The following LRIG3 variants were observed in gnomAD, a reference collection of about 807,000 sequenced individuals.
LRIG3 encodes leucine rich repeats and immunoglobulin like domains 3.
A neutral mutation model predicts 114.5 loss-of-function variants in LRIG3; 76 were observed. That is an observed-to-expected ratio of 0.66 (90% CI 0.55 to 0.80). The LOEUF is 0.80. LRIG3 is among the 30% of genes least tolerant of loss of function. The probability of loss-of-function intolerance (pLI) is 0.00; values close to 1 mark genes in which losing one functional copy is unlikely to be tolerated. For synonymous variants in LRIG3, 512 were observed against 519.8 expected (o/e 0.98, Z 0.20); for missense variants, 1,239 against 1,382.8 (o/e 0.90, Z 1.65).
chr12:58,873,032 C>A (rs1253357099), intron 18 of LRIG3, among the ~76,000 whole-genome samples: 1 of 152,172 alleles, frequency 6.6e-6, no homozygotes, highest in Non-Finnish European at 1.5e-5. Context: ...TATTTACATC[C>A]ACTGAACAAA....
chr12:58,913,842 A>G (rs932827577), intron 3 of LRIG3, 140 bp downstream of exon 3: 1 of 648,092 alleles, frequency 1.5e-6, no homozygotes, highest in Non-Finnish European at 2.6e-6. Context: ...CAAGTTAACC[A>G]ATTTAAAGCG....
intron 1 of LRIG3, 29 bp downstream of exon 1, chr12:58,919,971 C>A: frequency 1.3e-6 from 2 of 1,538,978 alleles, no homozygotes. Flanking sequence ...GCGGCCCGGG[C>A]CCCCTCCCCC....
At chr12:58,888,777 G>T in intron 6 of LRIG3, 42 bp downstream of exon 6, 1 of 1,602,736 alleles carries the variant, frequency 6.2e-7, no homozygotes, top group South Asian at 1.1e-5. Context: ...AGCATTCTAT[G>T]ATCATACTAC....
At chr12:58,876,736 A>G (rs57447481) in intron 15 of LRIG3, 133 bp from the exon 16 acceptor site, 23,056 of 865,724 alleles carry the variant, frequency 0.027, 973 homozygotes, top group African/African-American at 0.16. Flanking sequence ...TGGCAAAACC[A>G]TCTCGATTGT....
intron 1 of LRIG3, among the ~76,000 whole-genome samples, chr12:58,918,263 ACT>A (rs1411416895): frequency 6.6e-6 from 1 of 152,130 alleles, no homozygotes; most frequent in Non-Finnish European, 1.5e-5. Context: ...AACCAAATAA[ACT>A]CTAATTTGTT....
chr12:58,903,747 G>A (rs1450231461), intron 3 of LRIG3, among the ~76,000 whole-genome samples: 2 of 151,822 alleles, frequency 1.3e-5, no homozygotes, highest in African/African-American at 4.8e-5. Context: ...TTTGTATAAG[G>A]TGTAAGGAAG....
At position 58,898,381 on chromosome 12, in the gene LRIG3, T is replaced by C. The variant is rs975490945; in HGVS notation, c.384-7585A>G. Among the ~76,000 whole-genome samples the C allele has an allele frequency of 5.3e-5, 8 of 152,318 alleles. No homozygotes were observed. In the South Asian group the frequency reaches 1.7e-3, roughly 32 times the overall value. ...ATGAGAAACACTGCAAATGACCAGA[T>C]TTGTTGCAGAGAAGTCATACAACTG... On this transcript the variant is annotated intron_variant, in intron 3 of 18. Coordinates refer to ENST00000320743, the MANE Select transcript of LRIG3 (RefSeq NM_153377.5).
intron 1 of LRIG3, among the ~76,000 whole-genome samples, chr12:58,915,754 A>G (rs565185933): frequency 6.6e-6 from 1 of 152,348 alleles, no homozygotes; most frequent in East Asian, 1.9e-4. Flanking sequence ...TTTCCCTTGC[A>G]GCCCAGCTCA....
rs750840871 is a variant in LRIG3, at chr12:58,914,272, G to T, written c.301C>A (p.Arg101=). 9 of 1,613,712 alleles carry T rather than the reference G, an allele frequency of 5.6e-6. No homozygotes were observed. Among genetic ancestry groups the T allele is most frequent in the African/African-American group, 1.3e-5 (1 of 74,914 alleles). ...AAAATAACGAAGACTCACACTTCTCGAAGGCTTTGAAGGTGGCTCATGGAA... is the reference window on the plus strand; with the variant it reads ...AAAATAACGAAGACTCACACTTCTCTAAGGCTTTGAAGGTGGCTCATGGAA... ...ASSMSHLQSL[R]EVKLNNNELE... Residue 101 remains arginine, a synonymous_variant, in exon 2 of 19, where the codon CGA becomes AGA. Coordinates refer to ENST00000320743, the MANE Select transcript of LRIG3 (RefSeq NM_153377.5).
At chr12:58,888,095 T>C (rs995905916) in intron 7 of LRIG3, among the ~76,000 whole-genome samples, 163 bp from the exon 8 acceptor site, 5 of 152,222 alleles carry the variant, frequency 3.3e-5, no homozygotes, top group African/African-American at 1.2e-4. Context: ...ATTAAAAAAA[T>C]ACGTTCTCTT....
intron 3 of LRIG3, among the ~76,000 whole-genome samples, chr12:58,891,394 C>T (rs1871452096): frequency 6.6e-6 from 1 of 152,136 alleles, no homozygotes; most frequent in Admixed American, 6.5e-5. Flanking sequence ...AGGTGTGAGC[C>T]ACCACACCTG....
At chr12:58,914,418 G>T in intron 1 of LRIG3, 82 bp from the exon 2 acceptor site, 2 of 1,024,344 alleles carry the variant, frequency 2.0e-6, no homozygotes, top group Non-Finnish European at 3.0e-6. Flanking sequence ...GTATCTCTAT[G>T]AACACCAGTG....
intron 10 of LRIG3, among the ~76,000 whole-genome samples, chr12:58,884,488 C>T (rs1398017872): frequency 6.6e-6 from 1 of 152,228 alleles, no homozygotes; most frequent in Non-Finnish European, 1.5e-5. Flanking sequence ...GAGATTAATA[C>T]TCCACTGATC....
At chr12:58,909,243 T>C (rs532304660) in intron 3 of LRIG3, among the ~76,000 whole-genome samples, 1 of 152,344 alleles carries the variant, frequency 6.6e-6, no homozygotes, top group African/African-American at 2.4e-5. Flanking sequence ...AGGTCAGCTA[T>C]AGAGGGCAGG....
At position 58,886,910 on chromosome 12, in the gene LRIG3, T is replaced by C; in HGVS notation, c.1092-20A>G. 26 of 1,599,722 alleles carry C rather than the reference T, an allele frequency of 1.6e-5. No individual in the cohort carries two copies. Among genetic ancestry groups the C allele is most frequent in the Non-Finnish European group, 2.1e-5 (25 of 1,167,504 alleles). On this transcript the variant is annotated intron_variant, in intron 8 of 18. Coordinates refer to ENST00000320743, the MANE Select transcript of LRIG3 (RefSeq NM_153377.5). ...AGATCCCTAATTTTAAAAGAAGCAT[T>C]CCCTTTAGAGTGATAAGCTCAGAAA...
rs1241147859 is a variant in LRIG3 at position 58,877,620 on chromosome 12, G to A, written c.2316C>T (p.Thr772=). 1 of 1,614,164 alleles carries A rather than the reference G, an allele frequency of 6.2e-7. No homozygotes were observed. Among genetic ancestry groups the A allele is most frequent in the Non-Finnish European group, 8.5e-7 (1 of 1,180,036 alleles). ...GCACGTTTCCTCTCTCAGTGCCAAG[G>A]GTGTTAGACATCTCACATGTGTATT... ...AGKYTCEMSN[T]LGTERGNVRL... is the part of the protein sequence containing the mutation. The change falls in exon 15 of 19, where the codon ACC becomes ACT. Residue 772 remains threonine, a synonymous_variant. Transcript: ENST00000320743.
intron 14 of LRIG3, 59 bp downstream of exon 14, chr12:58,878,765 G>C: frequency 6.5e-7 from 1 of 1,541,262 alleles, no homozygotes; most frequent in Non-Finnish European, 8.8e-7. Flanking sequence ...TAGGGACCTT[G>C]GATGAGCTAG....
rs1240485136 is a variant in LRIG3 at position 58,914,511 on chromosome 12, G to A, written c.237-175C>T. On this transcript the variant is annotated intron_variant, in intron 1 of 18. Coordinates refer to ENST00000320743, the MANE Select transcript of LRIG3 (RefSeq NM_153377.5). The stretch of plus-strand genomic sequence containing the variant: ...CAAACTCAAAAATACAAGCTCCAAG[G>A]ACAAAATTAGTTTAGGGAGACTGGC... 7.1e-6 allele frequency: 4 copies of A among 562,556 alleles called. No individual in the cohort carries two copies. In the East Asian group the frequency reaches 8.5e-5, roughly 12 times the overall value. The allele number at this position is 562,556 out of a possible 1,614,324, so 34.8% of individuals were successfully genotyped here.
At chr12:58,880,980 A>C (rs1871110774) in intron 12 of LRIG3, 79 bp from the exon 13 acceptor site, 14 of 1,368,640 alleles carry the variant, frequency 1.0e-5, no homozygotes, top group Middle Eastern at 1.9e-4. Flanking sequence ...GAACACCAAG[A>C]AATGCAAAAA....
Sources: gnomAD v4.1 joint callset for allele counts (sites outside exome capture counted in the v4.1 genomes callset) on GRCh38, gnomAD v4.1.1 for gene constraint, MANE v1.5 for transcripts, NCBI Gene and HGNC (gene_info 2026-07-23, HGNC 2026-07-21) for gene names.